CADPS2: variants seen among roughly 807,000 people sequenced by gnomAD.
The protein encoded by CADPS2 is calcium dependent secretion activator 2.
In CADPS2, 93 loss-of-function variants were observed where a neutral mutation model predicts 172.5. That is an observed-to-expected ratio of 0.54 (90% CI 0.46 to 0.64). CADPS2 has a LOEUF of 0.64. Among genes scored for constraint, CADPS2 ranks in the 30% least tolerant of loss-of-function variants. The pLI, the probability that CADPS2 is intolerant of heterozygous loss-of-function variation, is 0.00. For missense variants in CADPS2, 1,420 were observed against 1,565.9 expected (o/e 0.91, Z 1.57); for synonymous variants, 546 against 555.2 (o/e 0.98, Z 0.23).
At chr7:122,815,844 A>T (rs528402514) in intron 1 of CADPS2, among the ~76,000 whole-genome samples, 1 of 152,168 alleles carries the variant, frequency 6.6e-6, no homozygotes, top group African/African-American at 2.4e-5. Context: ...AAAGACAAGG[A>T]AGTTCTGCTT....
chr7:122,440,553 C>T (rs1398941988), intron 16 of CADPS2, among the ~76,000 whole-genome samples: 1 of 152,086 alleles, frequency 6.6e-6, no homozygotes, highest in Non-Finnish European at 1.5e-5. Flanking sequence ...ATCTGTAATC[C>T]TAAGATCTCA....
chr7:122,623,927 A>G (rs559103935), intron 4 of CADPS2, among the ~76,000 whole-genome samples: 19 of 152,178 alleles, frequency 1.2e-4, no homozygotes, highest in Non-Finnish European at 2.5e-4. Context: ...AAAATAATCT[A>G]TTTGTATTTA....
chr7:122,574,796 T>C (rs1034295519), intron 7 of CADPS2, among the ~76,000 whole-genome samples: 3 of 152,160 alleles, frequency 2.0e-5, no homozygotes, highest in Non-Finnish European at 4.4e-5. Context: ...CAAATTTTTT[T>C]TAAATCTATG....
chr7:122,512,811 T>C (rs2060095802), intron 9 of CADPS2, among the ~76,000 whole-genome samples: 1 of 152,108 alleles, frequency 6.6e-6, no homozygotes, highest in Non-Finnish European at 1.5e-5. Context: ...ATCCCAGAGA[T>C]CTCCAATATC....
At chr7:122,690,075 C>A (rs1012682738) in intron 2 of CADPS2, among the ~76,000 whole-genome samples, 11 of 152,172 alleles carry the variant, frequency 7.2e-5, no homozygotes, top group Non-Finnish European at 1.0e-4. Flanking sequence ...CAGTGCCGAT[C>A]CAACAGTTAG....
At chr7:122,755,463 G>T (rs1471345685) in intron 1 of CADPS2, among the ~76,000 whole-genome samples, 1 of 151,930 alleles carries the variant, frequency 6.6e-6, no homozygotes, top group Admixed American at 6.6e-5. Context: ...TATTGTATTT[G>T]GGACCAATGA....
intron 1 of CADPS2, among the ~76,000 whole-genome samples, chr7:122,788,280 G>A (rs1794514347): frequency 6.6e-6 from 1 of 152,156 alleles, no homozygotes; most frequent in Admixed American, 6.5e-5. Flanking sequence ...TGAAATTATA[G>A]TACTCAGAAT....
intron 8 of CADPS2, among the ~76,000 whole-genome samples, chr7:122,552,809 A>G (rs533213837): frequency 1.4e-5 from 2 of 144,798 alleles, no homozygotes; most frequent in African/African-American, 2.6e-5. Flanking sequence ...TGTGCCATTC[A>G]TCAAAAGAAA....
chr7:122,413,734 C>T (rs962087522), intron 19 of CADPS2, among the ~76,000 whole-genome samples: 1 of 152,158 alleles, frequency 6.6e-6, no homozygotes, highest in Non-Finnish European at 1.5e-5. Flanking sequence ...CCAATTCACT[C>T]CCCAATATTG....
At chr7:122,661,918 T>C (rs1327639794) in intron 3 of CADPS2, among the ~76,000 whole-genome samples, 1 of 152,220 alleles carries the variant, frequency 6.6e-6, no homozygotes, top group Non-Finnish European at 1.5e-5. Context: ...ATCTTTCAAA[T>C]AGAAGATTTT....
chr7:122,834,935 AGT>A (rs1271665132), intron 1 of CADPS2, among the ~76,000 whole-genome samples: 2 of 152,180 alleles, frequency 1.3e-5, no homozygotes, highest in African/African-American at 2.4e-5. Context: ...TGAAGTGAGT[AGT>A]GTTTCTCCCA....
At chr7:122,696,336 T>C (rs950518368) in intron 2 of CADPS2, among the ~76,000 whole-genome samples, 4 of 152,172 alleles carry the variant, frequency 2.6e-5, no homozygotes, top group African/African-American at 7.2e-5. Flanking sequence ...TGCTATGCAG[T>C]TCTTTCAAAG....
rs200043459 is a variant in CADPS2, at chr7:122,801,777, TA to T, written c.340-64710del. On this transcript the variant is annotated intron_variant, in intron 1 of 29. Transcript: ENST00000449022. The stretch of plus-strand genomic sequence containing the variant: ...AGAATCTTTTTTTTTAATTTTTATT[TA>T]TTTTTTTTTTCTGGAGACATGGTCT... 1.5e-3 allele frequency among the ~76,000 whole-genome samples: 168 copies of T among 115,506 alleles called. 1 individual carries two copies. The highest frequency in any genetic ancestry group is 7.5e-3 in the African/African-American group (146 of 19,374). 75.8% of individuals were successfully genotyped at this position (115,506 alleles called of 152,430 possible). A position where few individuals can be genotyped will look rare whatever the true frequency, so the allele number is the denominator to read the frequency against.
Position 122,863,833 on chromosome 7 carries a change from C to G in CADPS2, c.339+22166G>C, listed in dbSNP as rs549195456. Among the ~76,000 whole-genome samples the G allele has an allele frequency of 3.3e-5, 5 of 152,292 alleles. No homozygotes were observed. In the South Asian group the frequency reaches 1.0e-3, roughly 32 times the overall value. On this transcript the variant is annotated intron_variant, in intron 1 of 29. Coordinates refer to ENST00000449022, the MANE Select transcript of CADPS2 (RefSeq NM_017954.11). ...TCACCTGAGGTCAGGCATTTGAGAACAGCCTGGCCAACATGGCAAAACCCC... is the reference window on the plus strand; with the variant it reads ...TCACCTGAGGTCAGGCATTTGAGAAGAGCCTGGCCAACATGGCAAAACCCC...
chr7:122,669,750 A>G (rs2081591740), intron 2 of CADPS2, among the ~76,000 whole-genome samples: 1 of 151,964 alleles, frequency 6.6e-6, no homozygotes, highest in East Asian at 1.9e-4. Context: ...CGAAGCCTGA[A>G]CCATCAACCT....
At chr7:122,402,666 A>C (rs2046106710) in intron 20 of CADPS2, among the ~76,000 whole-genome samples, 1 of 152,248 alleles carries the variant, frequency 6.6e-6, no homozygotes, top group South Asian at 2.1e-4. Context: ...GAAAGGTCTT[A>C]GTAATTTTAA....
At chr7:122,866,052 T>C (rs1818234662) in intron 1 of CADPS2, among the ~76,000 whole-genome samples, 1 of 152,246 alleles carries the variant, frequency 6.6e-6, no homozygotes, top group Non-Finnish European at 1.5e-5. Context: ...CTTCTGGGAA[T>C]GTGACTGGGA....
intron 28 of CADPS2, among the ~76,000 whole-genome samples, chr7:122,326,297 T>C (rs1046542948): frequency 5.3e-5 from 8 of 152,000 alleles, no homozygotes; most frequent in African/African-American, 1.9e-4. Context: ...TTTTGGAGGG[T>C]CCATAATTTT....
intron 2 of CADPS2, among the ~76,000 whole-genome samples, chr7:122,694,875 C>CACA (rs2084867741): frequency 6.6e-6 from 1 of 152,162 alleles, no homozygotes; most frequent in Non-Finnish European, 1.5e-5. Flanking sequence ...AAGACTCCTT[C>CACA]ACAGTAGCAG....
Sources: gnomAD v4.1 joint callset for allele counts (sites outside exome capture counted in the v4.1 genomes callset) on GRCh38, gnomAD v4.1.1 for gene constraint, MANE v1.5 for transcripts, NCBI Gene and HGNC (gene_info 2026-07-23, HGNC 2026-07-21) for gene names.